GLI3: variants seen among roughly 807,000 people sequenced by gnomAD.
GLI3 encodes transcription activator GLI3.
Under a neutral mutation model 100.8 loss-of-function variants are expected in GLI3, and 20 were observed. That is an observed-to-expected ratio of 0.20 (90% CI 0.14 to 0.29). The LOEUF is 0.29. Ranked by LOEUF, GLI3 falls within the 10% of genes least tolerant of loss-of-function variation. GLI3 has a pLI of 1.00. For synonymous variants in GLI3, 938 were observed against 860.5 expected (o/e 1.09, Z -1.58); for missense variants, 2,040 against 2,128.5 (o/e 0.96, Z 0.82).
chr7:41,964,744 G>T lies in GLI3; in HGVS notation c.4329C>A (p.Phe1443Leu). 6.2e-7 allele frequency: 1 copy of T among 1,613,596 alleles called. No homozygotes were observed. Among genetic ancestry groups the T allele is most frequent in the Admixed American group, 1.7e-5 (1 of 60,026 alleles). The change falls in exon 15 of 15, where the codon TTC becomes TTA. Residue 1443 changes from phenylalanine to leucine, a missense_variant. By Grantham distance (22) the Phe-to-Leu change is conservative. Around this residue, in one of 5 missense-constraint regions of GLI3, gnomAD observed 1,041 missense variants for 924.0 expected, o/e 1.13. Transcript: ENST00000395925. ...GACTGAAGCCCACGGTTTGGTCATA[G>T]AACTGACCAGAGTAATTCTGCAGAT... ...CSNLQNYSGQ[F>L]YDQTVGFSQQ...
chr7:42,152,478 C>T, intron 2 of GLI3: 2 of 909,818 alleles, frequency 2.2e-6, no homozygotes, highest in South Asian at 1.0e-4. Flanking sequence ...CTCCCTCTCC[C>T]AGGCAATGCT....
intron 2 of GLI3, among the ~76,000 whole-genome samples, chr7:42,208,322 C>T (rs1210220074): frequency 6.6e-6 from 1 of 152,124 alleles, no homozygotes; most frequent in African/African-American, 2.4e-5. Context: ...CTTTAGGCTC[C>T]ATTTTTACTG....
chr7:41,965,487 C>G lies in GLI3; in HGVS notation c.3586G>C (p.Gly1196Arg), dbSNP rs376413286. 19 of 1,609,036 alleles carry G rather than the reference C, an allele frequency of 1.2e-5. No individual in the cohort carries two copies. The highest frequency in any genetic ancestry group is 1.7e-5 in the Admixed American group (1 of 59,938). ...PQTRAFGFCN[G>R]MVVHPQNPLR... Reference sequence around the variant, plus strand: ...GGGTTCTGCGGGTGGACGACCATGCCGTTGCAGAACCCAAAGGCGCGAGTC... The same window carrying G: ...GGGTTCTGCGGGTGGACGACCATGCGGTTGCAGAACCCAAAGGCGCGAGTC... Residue 1196 changes from glycine to arginine, a missense_variant, in exon 15 of 15, where the codon GGC becomes CGC. By Grantham distance (125) the Gly-to-Arg change is moderately radical. Transcript: ENST00000395925.
intron 1 of GLI3, among the ~76,000 whole-genome samples, chr7:42,258,615 T>C (rs1789109884): frequency 6.6e-6 from 1 of 152,188 alleles, no homozygotes; most frequent in Admixed American, 6.5e-5. Context: ...AGAATAGAAA[T>C]TTATTTCTCC....
chr7:42,206,955 T>C (rs1562786183), intron 2 of GLI3, among the ~76,000 whole-genome samples: 1 of 152,206 alleles, frequency 6.6e-6, no homozygotes, highest in Non-Finnish European at 1.5e-5. Flanking sequence ...CTTAAAAAGA[T>C]ACTTGAGTCC....
intron 2 of GLI3, among the ~76,000 whole-genome samples, chr7:42,182,660 A>ACGTGTGTG (rs1408128753): frequency 5.1e-5 from 3 of 59,138 alleles, no homozygotes; most frequent in Non-Finnish European, 6.6e-5. Flanking sequence ...ATATATATAT[A>ACGTGTGTG]TATATATATA....
intron 2 of GLI3, among the ~76,000 whole-genome samples, chr7:42,218,858 A>C (rs1788428136): frequency 6.6e-6 from 1 of 152,192 alleles, no homozygotes; most frequent in African/African-American, 2.4e-5. Context: ...TTTAAAGCCG[A>C]GTTGCAGATT....
At chr7:42,053,491 A>G (rs1784393305) in intron 4 of GLI3, among the ~76,000 whole-genome samples, 1 of 152,190 alleles carries the variant, frequency 6.6e-6, no homozygotes, top group Non-Finnish European at 1.5e-5. Context: ...TAGAAATGAC[A>G]TATATTTTCC....
At chr7:42,181,979 CTGT>C (rs1203171242) in intron 2 of GLI3, among the ~76,000 whole-genome samples, 1 of 152,120 alleles carries the variant, frequency 6.6e-6, no homozygotes. Flanking sequence ...AGCTTTGTTA[CTGT>C]TGTTGTTTCA....
intron 10 of GLI3, among the ~76,000 whole-genome samples, chr7:41,997,618 C>T (rs1312350191): frequency 6.6e-6 from 1 of 152,174 alleles, no homozygotes; most frequent in Admixed American, 6.5e-5. Context: ...TGTCCTAATT[C>T]TCCTGAACAT....
intron 3 of GLI3, among the ~76,000 whole-genome samples, chr7:42,112,040 A>C (rs965020422): frequency 6.6e-6 from 1 of 152,236 alleles, no homozygotes; most frequent in African/African-American, 2.4e-5. Flanking sequence ...CTTGTGAAGG[A>C]CAAAAAAGTG....
chr7:42,125,007 T>C (rs1786090795), intron 3 of GLI3, among the ~76,000 whole-genome samples: 1 of 152,158 alleles, frequency 6.6e-6, no homozygotes, highest in Non-Finnish European at 1.5e-5. Flanking sequence ...AACAATCCCT[T>C]CTACAGCCAA....
intron 3 of GLI3, among the ~76,000 whole-genome samples, chr7:42,119,347 G>A (rs1173811706): frequency 6.6e-6 from 1 of 152,188 alleles, no homozygotes; most frequent in East Asian, 1.9e-4. Flanking sequence ...AGGGGCTATA[G>A]TTTCTGTTTG....
intron 2 of GLI3, among the ~76,000 whole-genome samples, chr7:42,216,918 C>T (rs544692132): frequency 3.9e-5 from 6 of 152,236 alleles, no homozygotes; most frequent in East Asian, 1.9e-4. Context: ...CAGACTGGGG[C>T]CAGATTTTAG....
At chr7:42,187,181 A>T (rs1447744121) in intron 2 of GLI3, among the ~76,000 whole-genome samples, 2 of 150,766 alleles carry the variant, frequency 1.3e-5, no homozygotes, top group South Asian at 2.1e-4. Context: ...ACTACACTCA[A>T]GTCTGAGTGA....
At chr7:42,212,089 C>G (rs1378448900) in intron 2 of GLI3, among the ~76,000 whole-genome samples, 2 of 152,202 alleles carry the variant, frequency 1.3e-5, no homozygotes, top group African/African-American at 4.8e-5. Flanking sequence ...AGAGACATCT[C>G]GCTCTTTCTC....
upstream of GLI3, among the ~76,000 whole-genome samples, chr7:42,240,011 G>A (rs922093934): frequency 6.6e-6 from 1 of 152,120 alleles, no homozygotes; most frequent in East Asian, 1.9e-4. Flanking sequence ...TGAGGTCTCG[G>A]AGCCCAATCC....
chr7:42,176,866 T>C (rs1032684560), intron 2 of GLI3, among the ~76,000 whole-genome samples: 2 of 152,056 alleles, frequency 1.3e-5, no homozygotes, highest in Non-Finnish European at 2.9e-5. Context: ...ATCGCTTCCC[T>C]CTCCCCTCAG....
chr7:41,976,363 G>A (rs979660059), intron 12 of GLI3, among the ~76,000 whole-genome samples: 5 of 152,210 alleles, frequency 3.3e-5, no homozygotes, highest in Non-Finnish European at 7.3e-5. Context: ...GAACTTACAT[G>A]TGTGAGTTTA....
Sources: gnomAD v4.1 joint callset for allele counts (sites outside exome capture counted in the v4.1 genomes callset) on GRCh38, gnomAD v4.1.1 for gene constraint, gnomAD v4.1.1 regional missense constraint, MANE v1.5 for transcripts, NCBI Gene and HGNC (gene_info 2026-07-23, HGNC 2026-07-21) for gene names.